CAPRIN2: variants seen among roughly 807,000 people sequenced by gnomAD.
CAPRIN2 encodes caprin family member 2, also known as caprin-2.
CAPRIN2 carries 66 observed loss-of-function variants against 130.4 expected under a neutral mutation model. The ratio of observed to expected loss-of-function variants is 0.51; its 90% CI spans 0.42 to 0.62. The LOEUF (loss-of-function observed/expected upper bound fraction) is 0.62, where lower values mean the gene tolerates loss of function less well. Ranked by LOEUF, CAPRIN2 falls within the 20% of genes least tolerant of loss-of-function variation. The pLI, the probability that CAPRIN2 is intolerant of heterozygous loss-of-function variation, is 0.00. For synonymous variants in CAPRIN2, 471 were observed against 444.1 expected, an observed-to-expected ratio of 1.06 and a Z score of -0.76; for missense variants, 1,185 against 1,246.6, an observed-to-expected ratio of 0.95 and a Z score of 0.74.
At chr12:30,714,984 G>A (rs1156999532) in exon 14 of CAPRIN2, 3 of 1,613,716 alleles carry the variant, frequency 1.9e-6, no homozygotes, top group East Asian at 2.2e-5. Context: ...GGGACCGATA[G>A]GAATTGGTTA....
intron 12 of CAPRIN2, among the ~76,000 whole-genome samples, chr12:30,718,849 A>C (rs2058481362): frequency 6.6e-6 from 1 of 152,204 alleles, no homozygotes; most frequent in Non-Finnish European, 1.5e-5. Flanking sequence ...ACTAATTCTA[A>C]AAGAAGGAAT....
intron 1 of CAPRIN2, 193 bp from the exon 3 acceptor site, chr12:30,751,326 A>G: frequency 1.7e-6 from 1 of 575,670 alleles, no homozygotes; most frequent in South Asian, 2.1e-5. Context: ...ACACAGAATC[A>G]CATGAGTCTG....
At position 30,728,033 on chromosome 12, in the gene CAPRIN2, CACTT is replaced by C. The variant is rs369334358; in HGVS notation, c.1782+611_1782+614del. ...TCCTGTGACAAGCATTTGCATTACTCACTTGTTCACATTATGTCATTATGGTCTT... is the reference window on the plus strand; with the variant it reads ...TCCTGTGACAAGCATTTGCATTACTCGTTCACATTATGTCATTATGGTCTT... On this transcript the variant is annotated intron_variant, in intron 8 of 16. Coordinates refer to ENST00000298892, the Ensembl canonical transcript of CAPRIN2. Among the ~76,000 whole-genome samples, 100 of 152,298 alleles carry C rather than the reference CACTT, an allele frequency of 6.6e-4. 1 individual carries two copies. Among genetic ancestry groups the C allele is most frequent in the African/African-American group, 2.3e-3 (95 of 41,570 alleles).
In CAPRIN2 at chr12:30,724,463, A is replaced by AT. The variant is rs761287391; in HGVS notation, c.1906-13dup. The stretch of plus-strand genomic sequence containing the variant: ...TCAAGAACAGACTCCTAAAGATATG[A>AT]TTTTAAATAAAGAGTGGAAACAGAG... On this transcript the variant is annotated splice_polypyrimidine_tract_variant and intron_variant, in intron 9 of 16. Transcript: ENST00000298892. 1 of 1,552,664 alleles carries AT rather than the reference A, an allele frequency of 6.4e-7. No individual in the cohort carries two copies. The highest frequency in any genetic ancestry group is 1.1e-5 in the South Asian group (1 of 89,842).
exon 6 of CAPRIN2, chr12:30,731,393 T>A: frequency 6.2e-7 from 1 of 1,613,134 alleles, no homozygotes; most frequent in Non-Finnish European, 8.5e-7. Flanking sequence ...TTTCTCTGAT[T>A]GTATTAGCAT....
In CAPRIN2 at chr12:30,730,205, A is replaced by C. The variant is rs747127174; in HGVS notation, c.1104+34T>G. Reference sequence around the variant, plus strand: ...ATAACCCTATGCAAAAGGCTGAAAAATCAACATCAGCAAATTGTCTTTCAG... The same window carrying C: ...ATAACCCTATGCAAAAGGCTGAAAACTCAACATCAGCAAATTGTCTTTCAG... On this transcript the variant is annotated intron_variant, in intron 7 of 16. Coordinates refer to ENST00000298892, the Ensembl canonical transcript of CAPRIN2. 6.9e-6 allele frequency: 11 copies of C among 1,583,024 alleles called. No homozygotes were observed. In the South Asian group the frequency reaches 1.2e-4, roughly 18 times the overall value.
At chr12:30,736,451 T>C (rs970315301) in intron 3 of CAPRIN2, among the ~76,000 whole-genome samples, 4 of 149,984 alleles carry the variant, frequency 2.7e-5, no homozygotes, top group Admixed American at 6.6e-5. Flanking sequence ...AGTACTTTGA[T>C]ATAGCATCGA....
At chr12:30,723,060 C>T (rs2059865422) in intron 11 of CAPRIN2, among the ~76,000 whole-genome samples, 199 bp downstream of exon 12, 1 of 152,168 alleles carries the variant, frequency 6.6e-6, no homozygotes, top group Non-Finnish European at 1.5e-5. Context: ...AGTCAGCAAA[C>T]CTGTACTATA....
intron 3 of CAPRIN2, among the ~76,000 whole-genome samples, chr12:30,735,411 G>T (rs1195782523): frequency 6.6e-6 from 1 of 152,114 alleles, no homozygotes; most frequent in South Asian, 2.1e-4. Flanking sequence ...AGAGCCAAGG[G>T]GGTCAAATAT....
At chr12:30,726,011 C>A in exon 9 of CAPRIN2, 2 of 1,602,184 alleles carry the variant, frequency 1.2e-6, no homozygotes, top group East Asian at 2.3e-5. Context: ...TCAGATCCTG[C>A]AGTTTTTCTT....
At chr12:30,753,424 G>A (rs17688567) in exon 1 of CAPRIN2, 99,958 of 1,613,922 alleles carry the variant, frequency 0.062, 3,529 homozygotes, top group Middle Eastern at 0.1. Flanking sequence ...GCTTGGGAAG[G>A]AGATGCAGCA....
At chr12:30,723,821 CCAGG>C (rs1242614585) in intron 10 of CAPRIN2, among the ~76,000 whole-genome samples, 1 of 152,074 alleles carries the variant, frequency 6.6e-6, no homozygotes, top group Non-Finnish European at 1.5e-5. Flanking sequence ...CTCACTTCAC[CCAGG>C]AATTGCTACA....
At chr12:30,717,632 G>A (rs1349617755) in intron 12 of CAPRIN2, among the ~76,000 whole-genome samples, 2 of 151,582 alleles carry the variant, frequency 1.3e-5, no homozygotes, top group Non-Finnish European at 2.9e-5. Context: ...CTTGATTCCT[G>A]ACAGATTTTA....
chr12:30,746,576 A>G (rs2070547067), intron 2 of CAPRIN2, among the ~76,000 whole-genome samples: 1 of 151,288 alleles, frequency 6.6e-6, no homozygotes, highest in Non-Finnish European at 1.5e-5. Flanking sequence ...GTGTGGGGTG[A>G]AAGTGCTACT....
rs1000032084 is a variant in CAPRIN2, at chr12:30,722,620, G to C, written c.2043+639C>G. On this transcript the variant is annotated intron_variant, in intron 11 of 16. Coordinates refer to ENST00000298892, the Ensembl canonical transcript of CAPRIN2. ...CAACAAATACAGTTTGAAAATTAAGGCTGAGTGCAGTGGCTCACACCTGTA... is the reference window on the plus strand; with the variant it reads ...CAACAAATACAGTTTGAAAATTAAGCCTGAGTGCAGTGGCTCACACCTGTA... Among the ~76,000 whole-genome samples, 11 of 152,262 alleles carry C rather than the reference G, an allele frequency of 7.2e-5. 1 individual carries two copies. In the East Asian group the frequency reaches 2.1e-3, roughly 29 times the overall value.
At chr12:30,730,898 T>C (rs937384355) in intron 6 of CAPRIN2, among the ~76,000 whole-genome samples, 70 of 152,128 alleles carry the variant, frequency 4.6e-4, no homozygotes, top group African/African-American at 1.7e-3. Context: ...CCCAGGCAAA[T>C]GATAATTTTA....
At chr12:30,728,497 G>C in intron 8 of CAPRIN2, 151 bp downstream of exon 9, 1 of 630,316 alleles carries the variant, frequency 1.6e-6, no homozygotes, top group Admixed American at 3.3e-5. Context: ...GGAGGTTACA[G>C]TGAGCAGAGA....
At chr12:30,731,604 G>T in intron 5 of CAPRIN2, 94 bp from the exon 7 acceptor site, 1 of 987,706 alleles carries the variant, frequency 1.0e-6, no homozygotes, top group Non-Finnish European at 1.5e-6. Flanking sequence ...GTAGTACATT[G>T]TTACAATAGT....
intron 11 of CAPRIN2, among the ~76,000 whole-genome samples, chr12:30,722,006 G>A (rs1347546925): frequency 6.6e-6 from 1 of 152,200 alleles, no homozygotes; most frequent in Non-Finnish European, 1.5e-5. Flanking sequence ...AAGTGCCCAA[G>A]AAAAGTAGAA....
Sources: allele counts gnomAD v4.1 joint callset (sites outside exome capture counted in the v4.1 genomes callset), GRCh38; gene constraint gnomAD v4.1.1; transcripts MANE v1.5; gene names NCBI Gene and HGNC (gene_info 2026-07-23, HGNC 2026-07-21).